Variants in DLGAP4 observed in about 807,000 individuals in gnomAD.
The protein encoded by DLGAP4 is disks large-associated protein 4.
Under a neutral mutation model 86.9 loss-of-function variants are expected in DLGAP4, and 18 were observed. The observed-to-expected ratio is 0.21, with a 90% CI of 0.14 to 0.31. The LOEUF is 0.31. Among genes scored for constraint, DLGAP4 ranks in the 10% least tolerant of loss-of-function variants. The pLI, the probability that DLGAP4 is intolerant of heterozygous loss-of-function variation, is 1.00. For missense variants in DLGAP4, 1,085 were observed against 1,362.6 expected (o/e 0.80, Z 3.21); for synonymous variants, 548 against 574.3 (o/e 0.95, Z 0.65).
In DLGAP4 at chr20:36,446,833, G is replaced by C; in HGVS notation, c.1544G>C (p.Arg515Pro). Reference protein sequence around the residue: ...YFRSRSHSYLRAIQAGCSQEE... With the variant: ...YFRSRSHSYLPAIQAGCSQEE... ...CGCTCCCGCAGCCACAGCTACCTGC[G>C]TGCCATCCAGGCAGGCTGCTCGCAG... Residue 515 changes from arginine (R) to proline (P), a missense_variant, in exon 7 of 13, where the codon CGT (arginine) becomes CCT (proline). Physicochemically the swap from Arg to Pro is moderately radical, Grantham distance 103 (BLOSUM62 -2). Coordinates refer to ENST00000339266, the MANE Select transcript of DLGAP4 (RefSeq NM_001365621.2). 1 of 1,613,034 alleles carries C rather than the reference G, an allele frequency of 6.2e-7. No individual in the cohort carries two copies. Among genetic ancestry groups the C allele is most frequent in the Non-Finnish European group, 8.5e-7 (1 of 1,179,840 alleles).
Position 36,393,262 on chromosome 20 carries a change from A to C in DLGAP4, c.-73+25987A>C, listed in dbSNP as rs2031842864. Among the ~76,000 whole-genome samples, 1 of 152,052 alleles carries C rather than the reference A, an allele frequency of 6.6e-6. No homozygotes were observed. The highest frequency in any genetic ancestry group is 2.4e-5 in the African/African-American group (1 of 41,370). On this transcript the variant is annotated intron_variant, in intron 2 of 12. Transcript: ENST00000339266. The surrounding 1 kb of genome is among the most constrained non-coding windows in gnomAD (Gnocchi z 4.4). ...ACTGAATGGGAACACAGACCTAACC[A>C]AGAGCCTGAGCAAGACTGGAAGTGC...
intron 7 of DLGAP4, among the ~76,000 whole-genome samples, chr20:36,477,518 C>T (rs2035000061): frequency 6.6e-6 from 1 of 152,188 alleles, no homozygotes. Context: ...TTCCAAAGCC[C>T]CTGGTGGCTT....
intron 7 of DLGAP4, among the ~76,000 whole-genome samples, chr20:36,475,060 G>T (rs2034848429): frequency 6.6e-6 from 1 of 152,118 alleles, no homozygotes; most frequent in South Asian, 2.1e-4. Flanking sequence ...CCGACTGGGA[G>T]GTGTCACGAC....
rs57715754 is a variant in DLGAP4, at chr20:36,325,171, G to A, written c.-304+18659G>A. 3.9e-3 allele frequency among the ~76,000 whole-genome samples: 600 copies of A among 152,128 alleles called. 4 individuals carry two copies. The highest frequency in any genetic ancestry group is 0.014 in the African/African-American group (571 of 41,518). ...TATATTATATTTTCATTTTTATTCA[G>A]TTCATAGTACTTTCTAGTTTCCCTT... On this transcript the variant is annotated intron_variant, in intron 1 of 12. Transcript: ENST00000339266.
chr20:36,510,036 A>G (rs912987776), intron 10 of DLGAP4, among the ~76,000 whole-genome samples: 3 of 150,966 alleles, frequency 2.0e-5, no homozygotes, highest in African/African-American at 7.3e-5. Context: ...TTGTATTTTT[A>G]GTGTTGGTCA....
chr20:36,428,293 G>A (rs540642685), intron 2 of DLGAP4, among the ~76,000 whole-genome samples: 17 of 152,262 alleles, frequency 1.1e-4, no homozygotes, highest in East Asian at 7.7e-4. Context: ...TTTCCCAGTC[G>A]CACTAGCTGC....
In DLGAP4 at chr20:36,317,286, T is replaced by TTCTA. The variant is rs2065116221; in HGVS notation, c.-304+10777_-304+10778insATCT. On this transcript the variant is annotated intron_variant, in intron 1 of 12. Coordinates refer to ENST00000339266, the MANE Select transcript of DLGAP4 (RefSeq NM_001365621.2). ...TTCTTTCTTTCTTTCTTATCTTTCTTTCTTTCTTATCTTTCTTTCTTCCTT... is the reference window on the plus strand; with the variant it reads ...TTCTTTCTTTCTTTCTTATCTTTCTTTCTATCTTTCTTATCTTTCTTTCTTCCTT... Among the ~76,000 whole-genome samples, 393 of 42,346 alleles carry TTCTA rather than the reference T, an allele frequency of 9.3e-3. 14 individuals carry two copies. The highest frequency in any genetic ancestry group is 0.025 in the African/African-American group (368 of 14,612). The allele number at this position is 42,346 out of a possible 152,430, so 27.8% of individuals were successfully genotyped here. A position where few individuals can be genotyped will look rare whatever the true frequency, so the allele number is the denominator to read the frequency against.
chr20:36,462,282 C>T (rs1191362821), intron 7 of DLGAP4: 2 of 1,312,090 alleles, frequency 1.5e-6, no homozygotes, highest in South Asian at 1.9e-5. Context: ...CGCTGTCTCT[C>T]CTTGTTCTCT....
intron 1 of DLGAP4, among the ~76,000 whole-genome samples, chr20:36,358,112 G>A (rs997051835): frequency 7.2e-5 from 11 of 152,200 alleles, no homozygotes; most frequent in African/African-American, 2.7e-4. Flanking sequence ...TTAGGGCTGT[G>A]GCCCATACTC....
chr20:36,377,827 A>T (rs562880459), intron 2 of DLGAP4, among the ~76,000 whole-genome samples: 1 of 152,228 alleles, frequency 6.6e-6, no homozygotes, highest in African/African-American at 2.4e-5. Flanking sequence ...CTCCAACCAC[A>T]CGGGCTGACA....
intron 6 of DLGAP4, 113 bp from the exon 7 acceptor site, chr20:36,446,584 T>A (rs1224932608): frequency 9.1e-6 from 9 of 986,678 alleles, no homozygotes; most frequent in Non-Finnish European, 1.3e-5. Flanking sequence ...AGGGGTGGGC[T>A]GAGGTCAGAC....
intron 2 of DLGAP4, among the ~76,000 whole-genome samples, chr20:36,373,246 G>C (rs1356751167): frequency 2.0e-5 from 3 of 152,214 alleles, no homozygotes; most frequent in African/African-American, 7.2e-5. Context: ...TCAGAGGTCT[G>C]ATGGCTTCAG....
Position 36,436,100 on chromosome 20 carries a change from C to T in DLGAP4, c.1000-9C>T. 1 of 1,564,294 alleles carries T rather than the reference C, an allele frequency of 6.4e-7. No individual in the cohort carries two copies. Reference sequence around the variant, plus strand: ...GGTGGCCCCACTGAGTCCTGTGCCCCATCCCCAGGTGCCCGGCGGCGGCGG... The same window carrying T: ...GGTGGCCCCACTGAGTCCTGTGCCCTATCCCCAGGTGCCCGGCGGCGGCGG... On this transcript the variant is annotated splice_polypyrimidine_tract_variant and intron_variant, in intron 3 of 12. Transcript: ENST00000339266.
intron 2 of DLGAP4, among the ~76,000 whole-genome samples, chr20:36,415,843 G>A (rs1372565519): frequency 6.6e-6 from 1 of 152,158 alleles, no homozygotes; most frequent in Admixed American, 6.5e-5. Flanking sequence ...TGGTCCCCAG[G>A]TGAGGCCTGG....
intron 1 of DLGAP4, among the ~76,000 whole-genome samples, chr20:36,334,137 T>A (rs1052526362): frequency 5.9e-5 from 9 of 152,206 alleles, no homozygotes; most frequent in African/African-American, 9.6e-5. Flanking sequence ...ACCCAGCCCC[T>A]GGCCTCCCAG....
intron 7 of DLGAP4, among the ~76,000 whole-genome samples, chr20:36,470,511 A>T (rs2034613412): frequency 6.6e-6 from 1 of 151,898 alleles, no homozygotes; most frequent in Admixed American, 6.6e-5. Context: ...TTTTGTGTGT[A>T]AAAGTTATAT....
chr20:36,528,319 G>T lies in DLGAP4; in HGVS notation c.*1288G>T, dbSNP rs1437795973. 1.3e-5 allele frequency: 2 copies of T among 152,788 alleles called. No homozygotes were observed. The highest frequency in any genetic ancestry group is 1.5e-5 in the Non-Finnish European group (1 of 68,194). 9.5% of individuals were successfully genotyped at this position (152,788 alleles called of 1,614,324 possible). A position where few individuals can be genotyped will look rare whatever the true frequency, so the allele number is the denominator to read the frequency against. On this transcript the variant is annotated 3_prime_UTR_variant, in exon 13 of 13. Coordinates refer to ENST00000339266, the MANE Select transcript of DLGAP4 (RefSeq NM_001365621.2). ...AGCTGCAATGGCCCGGGCCTGCAGG[G>T]CGGGGTAGGGGAGGGCAGGGGCTGA...
intron 1 of DLGAP4, among the ~76,000 whole-genome samples, chr20:36,360,572 G>A (rs1335318552): frequency 6.6e-6 from 1 of 152,150 alleles, no homozygotes. Context: ...GTGGCTTGGG[G>A]CGTCAGGGCC....
intron 2 of DLGAP4, among the ~76,000 whole-genome samples, chr20:36,398,949 T>C (rs906592976): frequency 6.6e-6 from 1 of 152,108 alleles, no homozygotes; most frequent in African/African-American, 2.4e-5. Context: ...TCCCAGCACT[T>C]TGGGAGGCTG....
Sources: gnomAD v4.1 joint callset for allele counts (sites outside exome capture counted in the v4.1 genomes callset) on GRCh38, gnomAD v4.1.1 for gene constraint, Gnocchi (gnomAD v3.1) non-coding constraint, MANE v1.5 for transcripts, NCBI Gene and HGNC (gene_info 2026-07-23, HGNC 2026-07-21) for gene names.